TECTA: variants seen among roughly 807,000 people sequenced by gnomAD.
The protein encoded by TECTA is alpha-tectorin.
A neutral mutation model predicts 216.8 loss-of-function variants in TECTA; 128 were observed. That is an observed-to-expected ratio of 0.59 (90% CI 0.51 to 0.68). The LOEUF (loss-of-function observed/expected upper bound fraction) is 0.68, where lower values mean the gene tolerates loss of function less well. Ranked by LOEUF, TECTA falls within the 30% of genes least tolerant of loss-of-function variation. The probability of loss-of-function intolerance (pLI) is 0.00; values close to 1 mark genes in which losing one functional copy is unlikely to be tolerated. For synonymous variants in TECTA, 1,089 were observed against 1,117.1 expected, an observed-to-expected ratio of 0.97 and a Z score of 0.50; for missense variants, 2,551 against 2,786.2, an observed-to-expected ratio of 0.92 and a Z score of 1.90.
Position 121,111,197 on chromosome 11 carries a change from C to A in TECTA, c.486+1699C>A, listed in dbSNP as rs995533022. Among the ~76,000 whole-genome samples, 56 of 152,220 alleles carry A rather than the reference C, an allele frequency of 3.7e-4. 1 individual carries two copies. The highest frequency in any genetic ancestry group is 1.2e-4 in the Non-Finnish European group (8 of 68,046). On this transcript the variant is annotated intron_variant, in intron 4 of 23. Coordinates refer to ENST00000392793, the MANE Select transcript of TECTA (RefSeq NM_005422.4). ...GGTGCTGAAGGCTATTTTTGCATAT[C>A]ATTTAACCCTCCCCAAAATGTTCCC... is the stretch of plus-strand genomic sequence containing the variant.
Position 121,166,699 on chromosome 11 carries a change from A to G in TECTA, c.5505A>G (p.Arg1835=), listed in dbSNP as rs1947056528. The change falls in exon 18 of 24, where the codon AGA becomes AGG. Residue 1835 remains arginine (R), a synonymous_variant. Coordinates refer to ENST00000392793, the MANE Select transcript of TECTA (RefSeq NM_005422.4). ...GGGAGGGCGTGAGGATCAATGACAG[A>G]CAGTGCACCGGCATCGAGGGGGAAG... ...FEREGVRIND[R]QCTGIEGEDF... 2 of 1,614,212 alleles carry G rather than the reference A, an allele frequency of 1.2e-6. No individual in the cohort carries two copies. Among genetic ancestry groups the G allele is most frequent in the East Asian group, 4.5e-5 (2 of 44,878 alleles).
At position 121,119,004 on chromosome 11, in the gene TECTA, C is replaced by CACACAA. The variant is rs1434470396; in HGVS notation, c.1203+291_1203+292insAACACA. ...ATAAACACTGATAGGCACACACACA[C>CACACAA]ACACACACACACACACACACACACA... On this transcript the variant is annotated intron_variant, in intron 7 of 23. Transcript: ENST00000392793. Among the ~76,000 whole-genome samples, 1,260 of 119,904 alleles carry CACACAA rather than the reference C, an allele frequency of 0.011. 23 individuals carry two copies. The highest frequency in any genetic ancestry group is 0.065 in the African/African-American group (1,183 of 18,062). The allele number at this position is 119,904 out of a possible 152,430, so 78.7% of individuals were successfully genotyped here.
chr11:121,185,538 G>A (rs1947276880), intron 20 of TECTA, among the ~76,000 whole-genome samples: 1 of 76,432 alleles, frequency 1.3e-5, no homozygotes, highest in Admixed American at 1.2e-4. Context: ...CTTAATGAAC[G>A]AGTAGGGAAA....
Position 121,109,601 on chromosome 11 carries a change from C to T in TECTA, c.486+103C>T, listed in dbSNP as rs1253985485. 2.8e-6 allele frequency: 4 copies of T among 1,423,244 alleles called. No individual in the cohort carries two copies. The East Asian group carries it at 9.2e-5, about 33-fold the overall frequency. 88.2% of individuals were successfully genotyped at this position (1,423,244 alleles called of 1,614,324 possible). A position where few individuals can be genotyped will look rare whatever the true frequency, so the allele number is the denominator to read the frequency against. On this transcript the variant is annotated intron_variant, in intron 4 of 23. Coordinates refer to ENST00000392793, the MANE Select transcript of TECTA (RefSeq NM_005422.4). ...TCTAATTATTAGAGCTAAGGAGTGTCAGTTCCCTTGAGTTAAACTAATGAG... is the reference window on the plus strand; with the variant it reads ...TCTAATTATTAGAGCTAAGGAGTGTTAGTTCCCTTGAGTTAAACTAATGAG...
At chr11:121,106,085 A>T (rs1946387664) in intron 3 of TECTA, 121 bp downstream of exon 3, 1 of 1,486,446 alleles carries the variant, frequency 6.7e-7, no homozygotes, top group Non-Finnish European at 9.3e-7. Flanking sequence ...GGCAGCCAAA[A>T]CGACAAGTTC....
chr11:121,153,783 TTTCCATAATACTAAGCTAGAA>T (rs1290372688), intron 13 of TECTA, among the ~76,000 whole-genome samples: 2 of 152,248 alleles, frequency 1.3e-5, no homozygotes, highest in African/African-American at 4.8e-5. Context: ...CTTTGTAATC[TTTCCATAATACTAAGCTAGAA>T]TTCCATAATA....
rs532541577 is a variant in TECTA, at chr11:121,176,534, C to T, written c.5999+7609C>T. Among the ~76,000 whole-genome samples, 163 of 110,516 alleles carry T rather than the reference C, an allele frequency of 1.5e-3. 21 individuals carry two copies. The highest frequency in any genetic ancestry group is 2.2e-3 in the Non-Finnish European group (131 of 59,638). 72.5% of individuals were successfully genotyped at this position (110,516 alleles called of 152,430 possible). A position where few individuals can be genotyped will look rare whatever the true frequency, so the allele number is the denominator to read the frequency against. Reference sequence around the variant, plus strand: ...ATCTTCTGGCTTGTAGAGTTTCTGCCAAGAGATCCGCTGTTAGTCTGATGG... The same window carrying T: ...ATCTTCTGGCTTGTAGAGTTTCTGCTAAGAGATCCGCTGTTAGTCTGATGG... On this transcript the variant is annotated intron_variant, in intron 20 of 23. Transcript: ENST00000392793.
At chr11:121,149,852 G>A (rs987131932) in intron 12 of TECTA, among the ~76,000 whole-genome samples, 9 of 152,212 alleles carry the variant, frequency 5.9e-5, no homozygotes, top group East Asian at 1.9e-4. Context: ...GAGAAGCAGC[G>A]GATCAGTTCT....
At chr11:121,129,387 C>T (rs1325987404) in intron 9 of TECTA, among the ~76,000 whole-genome samples, 3 of 152,164 alleles carry the variant, frequency 2.0e-5, no homozygotes, top group East Asian at 1.9e-4. Flanking sequence ...ACTTTAGTTT[C>T]GTTTGTTTTG....
At position 121,107,024 on chromosome 11, in the gene TECTA, C is replaced by T. The variant is rs566644952; in HGVS notation, c.198+1060C>T. On this transcript the variant is annotated intron_variant, in intron 3 of 23. Coordinates refer to ENST00000392793, the MANE Select transcript of TECTA (RefSeq NM_005422.4). ...AACCATAGGATATAATCAAGACACA[C>T]GTGAGTCATCACCAGCTTCCTCTGC... is the stretch of plus-strand genomic sequence containing the variant. Among the ~76,000 whole-genome samples the T allele has an allele frequency of 1.1e-4, 16 of 152,326 alleles. No homozygotes were observed. In the South Asian group the frequency reaches 2.3e-3, roughly 22 times the overall value.
intron 20 of TECTA, among the ~76,000 whole-genome samples, chr11:121,184,213 G>T (rs1182206356): frequency 6.6e-6 from 1 of 152,192 alleles, no homozygotes; most frequent in East Asian, 1.9e-4. Context: ...CACAGGAGTG[G>T]ATGTGACTTC....
At chr11:121,159,227 G>A (rs1012237316) in intron 14 of TECTA, among the ~76,000 whole-genome samples, 2 of 152,218 alleles carry the variant, frequency 1.3e-5, no homozygotes, top group Middle Eastern at 3.4e-3. Flanking sequence ...ATTTAATACC[G>A]GTTTTAACTT....
rs914164956 is a variant in TECTA at position 121,165,176 on chromosome 11, A to G, written c.5273-97A>G. The G allele has an allele frequency of 4.6e-5, 54 of 1,166,018 alleles. 1 individual carries two copies. Among genetic ancestry groups the G allele is most frequent in the Non-Finnish European group, 6.3e-6 (5 of 797,204 alleles). The allele number at this position is 1,166,018 out of a possible 1,614,324, so 72.2% of individuals were successfully genotyped here. On this transcript the variant is annotated intron_variant, in intron 16 of 23. Transcript: ENST00000392793. Reference sequence around the variant, plus strand: ...GGCAGCTGCCATCTGACCATTTCCAATGTGATTAAAGTGGCAAGTCTGGAG... The same window carrying G: ...GGCAGCTGCCATCTGACCATTTCCAGTGTGATTAAAGTGGCAAGTCTGGAG...
At chr11:121,172,815 A>G (rs1947125887) in intron 20 of TECTA, among the ~76,000 whole-genome samples, 1 of 151,874 alleles carries the variant, frequency 6.6e-6, no homozygotes, top group Admixed American at 6.6e-5. Flanking sequence ...ACAGTGTAAA[A>G]GTGTTCCTAT....
intron 11 of TECTA, among the ~76,000 whole-genome samples, chr11:121,140,712 CT>C (rs1452249523): frequency 6.6e-6 from 1 of 152,132 alleles, no homozygotes; most frequent in African/African-American, 2.4e-5. Context: ...TGTTCGTCAC[CT>C]TGTGGCAGCA....
Position 121,189,746 on chromosome 11 carries a change from C to CT in TECTA, c.6251-17dup, listed in dbSNP as rs1947323635. 6.2e-7 allele frequency: 1 copy of CT among 1,609,266 alleles called. No individual in the cohort carries two copies. Among genetic ancestry groups the CT allele is most frequent in the Non-Finnish European group, 8.5e-7 (1 of 1,175,868 alleles). ...GTTGAACTGTCTGTAGTTAATCTTC[C>CT]TAACTGCTCTTTTGTAGGGCTGGAC... On this transcript the variant is annotated splice_polypyrimidine_tract_variant and intron_variant, in intron 22 of 23. Coordinates refer to ENST00000392793, the MANE Select transcript of TECTA (RefSeq NM_005422.4).
intron 11 of TECTA, among the ~76,000 whole-genome samples, chr11:121,142,822 G>A (rs1354678460): frequency 1.3e-5 from 2 of 152,030 alleles, no homozygotes; most frequent in Admixed American, 6.6e-5. Flanking sequence ...TCCCGTGGCC[G>A]CTCTTCCTGT....
intron 18 of TECTA, 38 bp downstream of exon 18, chr11:121,166,818 A>G: frequency 2.5e-6 from 4 of 1,610,350 alleles, no homozygotes; most frequent in Non-Finnish European, 3.4e-6. Flanking sequence ...TGGCAGAGGC[A>G]GCGACAGCTT....
Position 121,105,708 on chromosome 11 carries a change from G to A in TECTA, c.65-123G>A. On this transcript the variant is annotated intron_variant, in intron 2 of 23. Transcript: ENST00000392793. This position sits in a 1 kb window ranked among gnomAD's most constrained non-coding sequence, Gnocchi z 5.3. ...TAGGTTTAGGATGAATGACAGGGCAGTATGACTTGCATTCAGCTTGCAAGC... is the reference window on the plus strand; with the variant it reads ...TAGGTTTAGGATGAATGACAGGGCAATATGACTTGCATTCAGCTTGCAAGC... 7.9e-7 allele frequency: 1 copy of A among 1,264,630 alleles called. No homozygotes were observed. The highest frequency in any genetic ancestry group is 1.5e-5 in the African/African-American group (1 of 68,056). The allele number at this position is 1,264,630 out of a possible 1,614,324, so 78.3% of individuals were successfully genotyped here. A position where few individuals can be genotyped will look rare whatever the true frequency, so the allele number is the denominator to read the frequency against.
Sources: gnomAD v4.1 joint callset for allele counts (sites outside exome capture counted in the v4.1 genomes callset) on GRCh38, gnomAD v4.1.1 for gene constraint, Gnocchi (gnomAD v3.1) non-coding constraint, MANE v1.5 for transcripts, NCBI Gene and HGNC (gene_info 2026-07-23, HGNC 2026-07-21) for gene names.